FOXJ3: variants seen among roughly 807,000 people sequenced by gnomAD.
FOXJ3 encodes the protein forkhead box protein J3.
FOXJ3 carries 22 observed loss-of-function variants against 76.1 expected under a neutral mutation model. The ratio of observed to expected loss-of-function variants is 0.29; its 90% confidence interval spans 0.21 to 0.41. The LOEUF is 0.41. FOXJ3 is among the 10% of genes least tolerant of loss of function. FOXJ3 has a pLI of 1.00. For missense variants in FOXJ3, 613 were observed against 762.1 expected (o/e 0.80, Z 2.30); for synonymous variants, 269 against 261.2 (o/e 1.03, Z -0.29).
chr1:42,314,383 T>C (rs779532956), intron 1 of FOXJ3, among the ~76,000 whole-genome samples: 1 of 152,142 alleles, frequency 6.6e-6, no homozygotes, highest in Non-Finnish European at 1.5e-5. Flanking sequence ...CTCAAGTAGA[T>C]AGGATTACAG....
intron 11 of FOXJ3, among the ~76,000 whole-genome samples, chr1:42,184,504 T>C (rs1321755378): frequency 6.6e-6 from 1 of 152,152 alleles, no homozygotes; most frequent in Non-Finnish European, 1.5e-5. Context: ...AGAGTCTGAA[T>C]GAGTGTATTC....
rs978136372 is a variant in FOXJ3 at position 42,179,525 on chromosome 1, T to G, written c.*185A>C. On this transcript the variant is annotated 3_prime_UTR_variant, in exon 13 of 13. Coordinates refer to ENST00000361346, the MANE Select transcript of FOXJ3 (RefSeq NM_014947.5). ...TGGCAGGGAGACAAACATGTAGTAC[T>G]TGCTTGGGTCAGATAAAAGCAGTAA... The G allele has an allele frequency of 3.4e-5, 15 of 440,994 alleles. No individual in the cohort carries two copies. The highest frequency in any genetic ancestry group is 5.3e-5 in the Non-Finnish European group (13 of 243,636). The allele number at this position is 440,994 out of a possible 1,614,324, so 27.3% of individuals were successfully genotyped here. A position where few individuals can be genotyped will look rare whatever the true frequency, so the allele number is the denominator to read the frequency against.
chr1:42,229,824 A>G (rs1019508892), intron 4 of FOXJ3, among the ~76,000 whole-genome samples: 4 of 152,246 alleles, frequency 2.6e-5, no homozygotes, highest in African/African-American at 9.6e-5. Context: ...AATTAAAAAT[A>G]AAGTAGCAGA....
intron 1 of FOXJ3, among the ~76,000 whole-genome samples, chr1:42,328,489 C>T (rs540367868): frequency 6.6e-6 from 1 of 152,068 alleles, no homozygotes; most frequent in African/African-American, 2.4e-5. Flanking sequence ...AATGGTCAGA[C>T]AGTGTGGTAT....
At chr1:42,295,808 T>C (rs745435297) in intron 2 of FOXJ3, among the ~76,000 whole-genome samples, 50 of 152,310 alleles carry the variant, frequency 3.3e-4, no homozygotes, top group Non-Finnish European at 6.5e-4. Flanking sequence ...ATTACAGGCA[T>C]GACCCACCGC....
intron 5 of FOXJ3, among the ~76,000 whole-genome samples, chr1:42,213,314 GT>G (rs1425129056): frequency 2.6e-5 from 4 of 151,964 alleles, no homozygotes; most frequent in Admixed American, 2.6e-4. Flanking sequence ...CACAAACCAA[GT>G]ATCTGCTGTC....
At chr1:42,333,891 T>C (rs1656305828) in intron 1 of FOXJ3, among the ~76,000 whole-genome samples, 1 of 152,188 alleles carries the variant, frequency 6.6e-6, no homozygotes, top group South Asian at 2.1e-4. Flanking sequence ...AACGCTCCTA[T>C]GACATCACGC....
intron 2 of FOXJ3, 98 bp downstream of exon 2, chr1:42,310,952 T>A: frequency 1.4e-6 from 1 of 710,078 alleles, no homozygotes; most frequent in Non-Finnish European, 2.4e-6. Context: ...AATATTTTAT[T>A]CTGAATCTCA....
At chr1:42,219,441 G>C (rs570066543) in intron 5 of FOXJ3, among the ~76,000 whole-genome samples, 1 of 152,178 alleles carries the variant, frequency 6.6e-6, no homozygotes, top group African/African-American at 2.4e-5. Flanking sequence ...AGTACTATCT[G>C]GTTTCAGGCA....
intron 1 of FOXJ3, chr1:42,323,814 T>A (rs920858257): frequency 2.6e-6 from 1 of 385,870 alleles, no homozygotes; most frequent in Non-Finnish European, 3.5e-6. Context: ...TCTCTACTGT[T>A]CCACAGGGAA....
intron 4 of FOXJ3, among the ~76,000 whole-genome samples, chr1:42,246,475 A>T (rs1339345005): frequency 2.0e-5 from 3 of 152,196 alleles, no homozygotes; most frequent in African/African-American, 7.2e-5. Flanking sequence ...CAAAACCAGA[A>T]GGTGATATCC....
intron 3 of FOXJ3, among the ~76,000 whole-genome samples, chr1:42,270,829 T>C (rs965903465): frequency 6.6e-6 from 1 of 152,178 alleles, no homozygotes; most frequent in Non-Finnish European, 1.5e-5. Context: ...GACCTGACAA[T>C]TCTAATTTTA....
intron 1 of FOXJ3, among the ~76,000 whole-genome samples, chr1:42,327,494 C>A (rs1272375840): frequency 1.3e-5 from 2 of 152,172 alleles, no homozygotes; most frequent in Non-Finnish European, 2.9e-5. Context: ...GTACCACCAG[C>A]CAAAATCTAG....
chr1:42,298,880 G>C (rs193250188), intron 2 of FOXJ3, among the ~76,000 whole-genome samples: 1 of 151,974 alleles, frequency 6.6e-6, no homozygotes, highest in Non-Finnish European at 1.5e-5. Context: ...TTCAATTTCC[G>C]CCTTAATTGC....
chr1:42,204,053 C>T (rs1217922312), intron 6 of FOXJ3, among the ~76,000 whole-genome samples: 1 of 151,658 alleles, frequency 6.6e-6, no homozygotes, highest in East Asian at 1.9e-4. Flanking sequence ...CTCGGCTCTG[C>T]AACCCCTGGC....
At chr1:42,187,972 T>C (rs1370023816) in intron 11 of FOXJ3, among the ~76,000 whole-genome samples, 1 of 152,210 alleles carries the variant, frequency 6.6e-6, no homozygotes, top group African/African-American at 2.4e-5. Flanking sequence ...TAAGCTTGAC[T>C]TGAATAAACT....
intron 4 of FOXJ3, among the ~76,000 whole-genome samples, chr1:42,251,706 A>ACTT (rs1650071948): frequency 3.4e-5 from 3 of 87,566 alleles, no homozygotes; most frequent in African/African-American, 1.5e-4. Context: ...GTTTGCCAGT[A>ACTT]TTTTTTTTTT....
chr1:42,287,708 C>T (rs994797985), intron 2 of FOXJ3, among the ~76,000 whole-genome samples: 9 of 152,162 alleles, frequency 5.9e-5, no homozygotes, highest in Non-Finnish European at 1.3e-4. Context: ...CACCTGTAAT[C>T]CCAGCACTTT....
At chr1:42,304,398 A>C (rs1012535895) in intron 2 of FOXJ3, among the ~76,000 whole-genome samples, 1 of 152,144 alleles carries the variant, frequency 6.6e-6, no homozygotes, top group Non-Finnish European at 1.5e-5. Context: ...CATAGAAAAA[A>C]AAATCCTAAA....
Sources: gnomAD v4.1 joint callset for allele counts (sites outside exome capture counted in the v4.1 genomes callset) on GRCh38, gnomAD v4.1.1 for gene constraint, MANE v1.5 for transcripts, NCBI Gene and HGNC (gene_info 2026-07-23, HGNC 2026-07-21) for gene names.